The following VPS37A variants were observed in gnomAD, a reference collection of about 807,000 sequenced individuals.
VPS37A encodes the protein VPS37A subunit of ESCRT-I.
A neutral mutation model predicts 49.8 loss-of-function variants in VPS37A; 30 were observed. The ratio of observed to expected loss-of-function variants is 0.60; its 90% confidence interval spans 0.45 to 0.82. VPS37A has a LOEUF of 0.82. VPS37A is among the 40% of genes least tolerant of loss of function. VPS37A has a pLI of 0.00. For missense variants in VPS37A, 593 were observed against 464.4 expected (o/e 1.28, Z -2.55); for synonymous variants, 195 against 160.6 (o/e 1.21, Z -1.62).
At chr8:17,256,650 A>G (rs1370607996) in intron 1 of VPS37A, among the ~76,000 whole-genome samples, 1 of 149,826 alleles carries the variant, frequency 6.7e-6, no homozygotes, top group African/African-American at 2.5e-5. Context: ...TTATTTATTT[A>G]TTTATTTATT....
chr8:17,331,034 T>A, the VPS37A span: 2 of 1,249,508 alleles, frequency 1.6e-6, no homozygotes, highest in Non-Finnish European at 1.1e-6. Flanking sequence ...AACATGATAT[T>A]CTTCCCAAAT....
chr8:17,271,615 A>AC (rs1238478317), intron 4 of VPS37A, among the ~76,000 whole-genome samples: 3 of 152,180 alleles, frequency 2.0e-5, no homozygotes, highest in African/African-American at 7.2e-5. Flanking sequence ...CAAAAAAAAA[A>AC]ATGCTTATGA....
chr8:17,252,675 A>G (rs1205366160), intron 1 of VPS37A, among the ~76,000 whole-genome samples: 3 of 152,194 alleles, frequency 2.0e-5, no homozygotes, highest in Non-Finnish European at 4.4e-5. Context: ...TGGGCTACCC[A>G]CTACCCATTT....
chr8:17,305,220 C>T (rs1817374139), downstream of VPS37A, among the ~76,000 whole-genome samples: 1 of 152,174 alleles, frequency 6.6e-6, no homozygotes, highest in Non-Finnish European at 1.5e-5. Context: ...ATAGTTAAAA[C>T]CATTTCATTT....
rs868394739 is a variant in VPS37A at position 17,290,569 on chromosome 8, A to G, written c.*4142A>G. Among the ~76,000 whole-genome samples, 18 of 152,282 alleles carry G rather than the reference A, an allele frequency of 1.2e-4. No homozygotes were observed. The Middle Eastern group carries it at 0.01, about 86-fold the overall frequency. ...GATAAGCTTTTTAATGCGCTGCTGG[A>G]TTCAGTTTGCCAGTACATTAATGAG... On this transcript the variant is annotated intron_variant, in intron 11 of 11. Transcript: ENST00000324849.
chr8:17,267,039 G>A (rs570488961), intron 2 of VPS37A, among the ~76,000 whole-genome samples: 48 of 152,210 alleles, frequency 3.2e-4, no homozygotes, highest in African/African-American at 1.2e-3. Context: ...CCAAAGTGCT[G>A]GAATTACAGG....
downstream of VPS37A, chr8:17,298,050 GTTTA>G (rs768983031): frequency 1.9e-4 from 29 of 152,082 alleles, no homozygotes; most frequent in Non-Finnish European, 2.8e-4. Context: ...TTTAAAAAAT[GTTTA>G]TTGTTTTTAT....
chr8:17,284,351 A>C, intron 9 of VPS37A, 122 bp from the exon 10 acceptor site: 1 of 1,181,414 alleles, frequency 8.5e-7, no homozygotes. Flanking sequence ...AGATTTTCTC[A>C]AAAAGAGGCT....
the VPS37A span, among the ~76,000 whole-genome samples, chr8:17,329,556 G>T: frequency 6.6e-6 from 1 of 152,184 alleles, no homozygotes; most frequent in South Asian, 2.1e-4. Context: ...AGCCAAATGT[G>T]TATGCTATCA....
chr8:17,305,909 G>A (rs1441410555), downstream of VPS37A: 2 of 1,613,670 alleles, frequency 1.2e-6, no homozygotes, highest in Admixed American at 1.7e-5. Context: ...CAATGAACTG[G>A]TCAATAACTG....
At chr8:17,292,467 T>TTAA in intron 11 of VPS37A, among the ~76,000 whole-genome samples, 1 of 152,284 alleles carries the variant, frequency 6.6e-6, no homozygotes, top group Admixed American at 6.5e-5. Flanking sequence ...CCGTTTAAGG[T>TTAA]TAATATTGTT....
At chr8:17,279,969 G>C (rs182884388) in intron 6 of VPS37A, 59 bp from the exon 7 acceptor site, 1 of 1,604,144 alleles carries the variant, frequency 6.2e-7, no homozygotes, top group East Asian at 2.2e-5. Context: ...GTAAATAGTT[G>C]TCATGGAGAA....
chr8:17,247,494 T>G, intron 1 of VPS37A, 125 bp downstream of exon 1: 1 of 1,341,108 alleles, frequency 7.5e-7, no homozygotes, highest in Non-Finnish European at 1.0e-6. Flanking sequence ...CTCCCTTGGT[T>G]GTGGGTCACA....
chr8:17,302,341 C>T (rs145343479), downstream of VPS37A: 5,162 of 1,551,238 alleles, frequency 3.3e-3, 6 homozygotes, highest in Non-Finnish European at 4.1e-3. Context: ...TTCACATCCT[C>T]AAGTCTTCTA....
At chr8:17,267,966 T>G (rs1813624065) in intron 2 of VPS37A, among the ~76,000 whole-genome samples, 2 of 152,238 alleles carry the variant, frequency 1.3e-5, no homozygotes, top group African/African-American at 4.8e-5. Context: ...TTTGTATAGC[T>G]TGGTATATTG....
At chr8:17,300,858 A>G (rs909812323), downstream of VPS37A, among the ~76,000 whole-genome samples, 1 of 152,230 alleles carries the variant, frequency 6.6e-6, no homozygotes, top group Non-Finnish European at 1.5e-5. Context: ...TATAAATTGA[A>G]TGGAATCATA....
At chr8:17,262,029 A>G (rs553691891) in intron 1 of VPS37A, among the ~76,000 whole-genome samples, 45 of 152,234 alleles carry the variant, frequency 3.0e-4, no homozygotes, top group African/African-American at 1.0e-3. Context: ...GGGAAAGCCG[A>G]TTGTTCACCT....
the VPS37A span, among the ~76,000 whole-genome samples, chr8:17,323,992 A>G: frequency 3.9e-5 from 6 of 152,218 alleles, no homozygotes; most frequent in Admixed American, 3.3e-4. Flanking sequence ...TGAGAGAAAT[A>G]TAACTACTAT....
At chr8:17,248,261 C>CTT (rs77478205) in intron 1 of VPS37A, 577 of 396,594 alleles carry the variant, frequency 1.5e-3, no homozygotes, top group East Asian at 5.7e-3. Context: ...TCCCTAACCC[C>CTT]TTTTTTTTTT....
Sources: allele counts gnomAD v4.1 joint callset (sites outside exome capture counted in the v4.1 genomes callset), GRCh38; gene constraint gnomAD v4.1.1; transcripts MANE v1.5; gene names NCBI Gene and HGNC (gene_info 2026-07-23, HGNC 2026-07-21).